The following ADAMTS18 variants were observed in gnomAD, a reference collection of about 807,000 sequenced individuals.
ADAMTS18 encodes the protein A disintegrin and metalloproteinase with thrombospondin motifs 18.
In ADAMTS18, 157 loss-of-function variants were observed where a neutral mutation model predicts 165.9. The observed-to-expected ratio is 0.95, with a 90% CI of 0.83 to 1.08. The LOEUF is 1.08. Ranked by LOEUF, ADAMTS18 falls within the 50% of genes least tolerant of loss-of-function variation. The probability of loss-of-function intolerance (pLI) is 0.00; values close to 1 mark genes in which losing one functional copy is unlikely to be tolerated. For synonymous variants in ADAMTS18, 782 were observed against 578.2 expected (o/e 1.35, Z -5.06); for missense variants, 2,040 against 1,534.0 (o/e 1.33, Z -5.51).
At chr16:77,400,484 T>C (rs1567541799) in intron 3 of ADAMTS18, among the ~76,000 whole-genome samples, 1 of 112,192 alleles carries the variant, frequency 8.9e-6, no homozygotes. Flanking sequence ...GTGTGTGTTT[T>C]GTTTTTTTTT....
At chr16:77,370,900 T>C (rs942337431) in intron 3 of ADAMTS18, among the ~76,000 whole-genome samples, 2 of 151,978 alleles carry the variant, frequency 1.3e-5, no homozygotes, top group African/African-American at 4.8e-5. Context: ...TTGAAGAGAA[T>C]GCAAATAAAT....
intron 3 of ADAMTS18, among the ~76,000 whole-genome samples, chr16:77,373,273 G>C (rs140524459): frequency 6.6e-6 from 1 of 151,918 alleles, no homozygotes; most frequent in Admixed American, 6.6e-5. Flanking sequence ...AGGAGATTGA[G>C]AACATCCTGG....
chr16:77,434,342 C>A, intron 2 of ADAMTS18, 76 bp downstream of exon 2: 1 of 1,511,006 alleles, frequency 6.6e-7, no homozygotes, highest in Non-Finnish European at 8.9e-7. Context: ...GCTTTTCCAT[C>A]TTTTCTCTCT....
At chr16:77,353,667 C>T in intron 10 of ADAMTS18, 66 bp downstream of exon 10, 1 of 1,609,506 alleles carries the variant, frequency 6.2e-7, no homozygotes, top group Non-Finnish European at 8.5e-7. Flanking sequence ...AATGTTTACA[C>T]TTCTGTTAGG....
intron 16 of ADAMTS18, among the ~76,000 whole-genome samples, chr16:77,312,528 G>A (rs1041631578): frequency 1.1e-4 from 16 of 152,136 alleles, no homozygotes; most frequent in African/African-American, 1.4e-4. Flanking sequence ...GTGAGCCACC[G>A]CACTCGGCCG....
At chr16:77,371,113 G>A (rs2056870010) in intron 3 of ADAMTS18, among the ~76,000 whole-genome samples, 1 of 152,044 alleles carries the variant, frequency 6.6e-6, no homozygotes, top group African/African-American at 2.4e-5. Context: ...TTCTTGGAAG[G>A]GTGAGCTGGG....
At chr16:77,413,963 T>C (rs1312380592) in intron 3 of ADAMTS18, among the ~76,000 whole-genome samples, 1 of 152,166 alleles carries the variant, frequency 6.6e-6, no homozygotes, top group Non-Finnish European at 1.5e-5. Context: ...TTAAATTCAG[T>C]TTTTGCCATC....
At chr16:77,292,666 G>A (rs1397579763) in intron 20 of ADAMTS18, among the ~76,000 whole-genome samples, 3 of 152,212 alleles carry the variant, frequency 2.0e-5, no homozygotes, top group Non-Finnish European at 4.4e-5. Context: ...CCAGACATAG[G>A]CTTGATCAAT....
intron 3 of ADAMTS18, among the ~76,000 whole-genome samples, chr16:77,373,019 G>A (rs1227783168): frequency 6.6e-6 from 1 of 152,112 alleles, no homozygotes; most frequent in Non-Finnish European, 1.5e-5. Flanking sequence ...TAAACAGGAC[G>A]CTCCTTTCAC....
At chr16:77,355,426 T>A (rs1172433652) in intron 9 of ADAMTS18, among the ~76,000 whole-genome samples, 1 of 152,172 alleles carries the variant, frequency 6.6e-6, no homozygotes, top group African/African-American at 2.4e-5. Flanking sequence ...AAGAAAATGC[T>A]CTATTCATTA....
chr16:77,295,246 G>A (rs2055446955), intron 18 of ADAMTS18, 119 bp from the exon 19 acceptor site: 1 of 1,004,684 alleles, frequency 1.0e-6, no homozygotes, highest in South Asian at 1.4e-5. Flanking sequence ...GAACCAATAA[G>A]ATAAGTTATT....
Position 77,392,201 on chromosome 16 carries a change from C to A in ADAMTS18, c.496-24478G>T, listed in dbSNP as rs188707832. Among the ~76,000 whole-genome samples, 25 of 152,304 alleles carry A rather than the reference C, an allele frequency of 1.6e-4. No individual in the cohort carries two copies. The East Asian group carries it at 4.4e-3, about 27-fold the overall frequency. On this transcript the variant is annotated intron_variant, in intron 3 of 22. Transcript: ENST00000282849. ...TCCAAACCCTTGGCTGGCTCCTGTT[C>A]AGCTCGGAGTAAAGGCTGAAGCTCT...
chr16:77,292,623 C>T (rs114792570), intron 20 of ADAMTS18, among the ~76,000 whole-genome samples: 3,553 of 152,266 alleles, frequency 0.023, 66 homozygotes, highest in African/African-American at 0.057. Flanking sequence ...GCTTTCTCTG[C>T]GTGTGCTTTA....
chr16:77,312,579 C>A lies in ADAMTS18; in HGVS notation c.2532+7270G>T, dbSNP rs531398785. On this transcript the variant is annotated intron_variant, in intron 16 of 22. Transcript: ENST00000282849. ...CTAACTATCAGGAAAAATCTTACAC[C>A]TGGTGAAAAATCTTAAAGTTTACTT... Among the ~76,000 whole-genome samples the A allele has an allele frequency of 3.9e-4, 60 of 152,308 alleles. No homozygotes were observed. The South Asian group carries it at 0.012, about 31-fold the overall frequency.
At chr16:77,339,282 T>C (rs556577592) in intron 11 of ADAMTS18, among the ~76,000 whole-genome samples, 25 of 152,126 alleles carry the variant, frequency 1.6e-4, no homozygotes, top group Non-Finnish European at 3.7e-4. Context: ...ATGGAACTTA[T>C]TAAGATGCTT....
intron 3 of ADAMTS18, among the ~76,000 whole-genome samples, chr16:77,371,149 A>T (rs2056870467): frequency 6.6e-6 from 1 of 152,102 alleles, no homozygotes; most frequent in Non-Finnish European, 1.5e-5. Context: ...TGAAAGGTGG[A>T]GGCTGCAGTG....
intron 3 of ADAMTS18, among the ~76,000 whole-genome samples, chr16:77,381,582 TCAC>T (rs1230468795): frequency 1.3e-5 from 2 of 152,022 alleles, no homozygotes; most frequent in Non-Finnish European, 2.9e-5. Flanking sequence ...GGCAGGTGGA[TCAC>T]GAGGTCAGAA....
chr16:77,356,956 A>T (rs1468166814), intron 8 of ADAMTS18, among the ~76,000 whole-genome samples: 2 of 151,632 alleles, frequency 1.3e-5, no homozygotes, highest in East Asian at 1.9e-4. Flanking sequence ...TCTCTAAAAA[A>T]TTCAGCACAG....
intron 16 of ADAMTS18, among the ~76,000 whole-genome samples, chr16:77,318,997 CTATGA>C (rs1480033572): frequency 6.6e-6 from 1 of 152,186 alleles, no homozygotes; most frequent in Non-Finnish European, 1.5e-5. Context: ...GAAAATGTTT[CTATGA>C]TAACAGCCTT....
Sources: allele counts gnomAD v4.1 joint callset (sites outside exome capture counted in the v4.1 genomes callset), GRCh38; gene constraint gnomAD v4.1.1; transcripts MANE v1.5; gene names NCBI Gene and HGNC (gene_info 2026-07-23, HGNC 2026-07-21).